Variants in ANKRD28 observed in about 807,000 individuals in gnomAD.
The protein encoded by ANKRD28 is ankyrin repeat domain 28.
In ANKRD28, 44 loss-of-function variants were observed where a neutral mutation model predicts 126.5. The observed-to-expected ratio is 0.35, with a 90% CI of 0.27 to 0.45. The LOEUF (loss-of-function observed/expected upper bound fraction) is 0.45. Among genes scored for constraint, ANKRD28 ranks in the 20% least tolerant of loss-of-function variants. The pLI is 1.00. For missense variants in ANKRD28, 1,110 were observed against 1,316.6 expected, an observed-to-expected ratio of 0.84 and a Z score of 2.43; for synonymous variants, 442 against 468.5, an observed-to-expected ratio of 0.94 and a Z score of 0.73.
At chr3:15,752,495 ATT>A in intron 3 of ANKRD28, among the ~76,000 whole-genome samples, 1 of 152,324 alleles carries the variant, frequency 6.6e-6, no homozygotes, top group South Asian at 2.1e-4. Flanking sequence ...AGACAAAAAA[ATT>A]TACATTATTC....
chr3:15,769,368 T>C (rs894589533), intron 2 of ANKRD28, among the ~76,000 whole-genome samples: 10 of 152,178 alleles, frequency 6.6e-5, no homozygotes, highest in Non-Finnish European at 1.3e-4. Context: ...AATAAAATAT[T>C]TAAGATTTCT....
intron 4 of ANKRD28, among the ~76,000 whole-genome samples, chr3:15,743,437 A>C (rs2057249680): frequency 6.6e-6 from 1 of 152,192 alleles, no homozygotes; most frequent in Non-Finnish European, 1.5e-5. Context: ...ACAATATCTC[A>C]TGTGATAATG....
intron 27 of ANKRD28, among the ~76,000 whole-genome samples, chr3:15,673,257 C>T (rs1167449437): frequency 2.0e-5 from 3 of 152,230 alleles, no homozygotes; most frequent in Non-Finnish European, 4.4e-5. Flanking sequence ...TCCAATTAAA[C>T]TATTTTAAGT....
chr3:15,761,901 C>G (rs1431550046), intron 3 of ANKRD28, among the ~76,000 whole-genome samples: 1 of 152,020 alleles, frequency 6.6e-6, no homozygotes, highest in Non-Finnish European at 1.5e-5. Context: ...AAAATCTCTC[C>G]TGGGCTGGGC....
upstream of ANKRD28, among the ~76,000 whole-genome samples, chr3:15,798,677 CTA>C (rs1342058913): frequency 6.6e-6 from 1 of 151,970 alleles, no homozygotes; most frequent in African/African-American, 2.4e-5. Flanking sequence ...CCTGAATTAC[CTA>C]TGTCAAAAGG....
intron 4 of ANKRD28, among the ~76,000 whole-genome samples, chr3:15,749,402 G>A (rs1314436366): frequency 6.6e-5 from 10 of 152,124 alleles, no homozygotes; most frequent in African/African-American, 1.9e-4. Flanking sequence ...GTGAGCCACC[G>A]CGCCCGGCCT....
chr3:15,768,616 C>T (rs2058855236), intron 2 of ANKRD28, among the ~76,000 whole-genome samples: 1 of 151,962 alleles, frequency 6.6e-6, no homozygotes, highest in Non-Finnish European at 1.5e-5. Flanking sequence ...CATGCCATTG[C>T]ACTCCAGCCT....
At chr3:15,813,326 C>CCGCT (rs903942609) in intron 1 of ANKRD28, among the ~76,000 whole-genome samples, 1 of 152,166 alleles carries the variant, frequency 6.6e-6, no homozygotes, top group Admixed American at 6.5e-5. Context: ...TGATCACATG[C>CCGCT]CGCTGCACTC....
intron 2 of ANKRD28, among the ~76,000 whole-genome samples, chr3:15,767,700 TAAAAAA>T (rs57072807): frequency 1.2e-4 from 8 of 64,352 alleles, no homozygotes; most frequent in East Asian, 3.0e-4. Flanking sequence ...TAGTCTCTAC[TAAAAAA>T]AAAAAAAAAA....
chr3:15,792,637 T>C (rs1161651214), intron 2 of ANKRD28, among the ~76,000 whole-genome samples: 1 of 152,156 alleles, frequency 6.6e-6, no homozygotes, highest in African/African-American at 2.4e-5. Context: ...AGACCTACTA[T>C]TTGATAGCAC....
chr3:15,793,175 A>T (rs1177824632), intron 2 of ANKRD28, among the ~76,000 whole-genome samples: 3 of 152,188 alleles, frequency 2.0e-5, no homozygotes, highest in African/African-American at 7.2e-5. Context: ...ATATTTTATT[A>T]CCTATTAAAA....
At chr3:15,821,663 A>G (rs901202649) in intron 1 of ANKRD28, among the ~76,000 whole-genome samples, 2 of 152,218 alleles carry the variant, frequency 1.3e-5, no homozygotes, top group African/African-American at 4.8e-5. Context: ...TAATGAAGAA[A>G]GATGCTGCTA....
intron 27 of ANKRD28, among the ~76,000 whole-genome samples, chr3:15,670,959 TAAA>T (rs1380925298): frequency 6.6e-6 from 1 of 152,134 alleles, no homozygotes; most frequent in Admixed American, 6.5e-5. Context: ...TAAGAAAAAA[TAAA>T]AAAATTTAAT....
chr3:15,729,963 A>T (rs1159957474), intron 6 of ANKRD28, among the ~76,000 whole-genome samples: 1 of 152,138 alleles, frequency 6.6e-6, no homozygotes, highest in African/African-American at 2.4e-5. Flanking sequence ...ATCACAGCTC[A>T]CTGCAGCCTC....
chr3:15,791,400 C>T (rs536229476), intron 2 of ANKRD28, among the ~76,000 whole-genome samples: 2 of 151,848 alleles, frequency 1.3e-5, no homozygotes, highest in East Asian at 3.9e-4. Flanking sequence ...CAGCATGGTA[C>T]TGTCACAAAA....
chr3:15,703,670 G>T, intron 14 of ANKRD28, among the ~76,000 whole-genome samples: 1 of 152,114 alleles, frequency 6.6e-6, no homozygotes, highest in East Asian at 1.9e-4. Context: ...TTGGTATTTT[G>T]TTATACCAGT....
In ANKRD28 at chr3:15,678,335, C is replaced by T; in HGVS notation, c.2581G>A (p.Ala861Thr). 6.2e-7 allele frequency: 1 copy of T among 1,604,802 alleles called. No individual in the cohort carries two copies. The highest frequency in any genetic ancestry group is 8.5e-7 in the Non-Finnish European group (1 of 1,175,976). ...AAACACTCTACATGGTCTGTGAAGG[C>T]GGCTGCATGGAGAGGAGTTCTGTGA... ...SKGRTPLHAA[A>T]FTDHVECLQL... Residue 861 changes from alanine to threonine, a missense_variant, in exon 24 of 28, where the codon GCC becomes ACC. Coordinates refer to ENST00000683139, the MANE Select transcript of ANKRD28 (RefSeq NM_001349278.2).
At chr3:15,769,553 C>T (rs911080520) in intron 2 of ANKRD28, among the ~76,000 whole-genome samples, 1 of 152,036 alleles carries the variant, frequency 6.6e-6, no homozygotes, top group Non-Finnish European at 1.5e-5. Context: ...AAATGGTTAC[C>T]TAAAATTATA....
At position 15,804,199 on chromosome 3, in the gene ANKRD28, C is replaced by G. The variant is rs1162234439; in HGVS notation, c.28-8893G>C. On this transcript the variant is annotated intron_variant, in intron 1 of 27. Transcript: ENST00000399451. ...CTTAAATAGGGCATTATGTCATACA[C>G]GTAAAAATCTAACCAGTACAAGATA... 1.6e-5 allele frequency among the ~76,000 whole-genome samples: 2 copies of G among 124,692 alleles called. 1 individual carries two copies. The highest frequency in any genetic ancestry group is 3.4e-5 in the Non-Finnish European group (2 of 58,056). The allele number at this position is 124,692 out of a possible 152,430, so 81.8% of individuals were successfully genotyped here.
Sources: allele counts gnomAD v4.1 joint callset (sites outside exome capture counted in the v4.1 genomes callset), GRCh38; gene constraint gnomAD v4.1.1; transcripts MANE v1.5; gene names NCBI Gene and HGNC (gene_info 2026-07-23, HGNC 2026-07-21).